Variants in CRACDL observed in about 807,000 individuals in gnomAD.
The protein encoded by CRACDL is CRACD like, also known as CRACD-like protein.
Under a neutral mutation model 70.6 loss-of-function variants are expected in CRACDL, and 26 were observed. The observed-to-expected ratio is 0.37, with a 90% CI of 0.27 to 0.51. CRACDL has a LOEUF of 0.51. Among genes scored for constraint, CRACDL ranks in the 20% least tolerant of loss-of-function variants. CRACDL has a pLI of 0.94. For missense variants in CRACDL, 1,283 were observed against 1,376.9 expected (o/e 0.93, Z 1.08); for synonymous variants, 618 against 615.2 (o/e 1.00, Z -0.07).
chr2:98,928,772 T>G (rs1708995633), intron 1 of CRACDL, among the ~76,000 whole-genome samples: 1 of 152,060 alleles, frequency 6.6e-6, no homozygotes, highest in Admixed American at 6.6e-5. Flanking sequence ...ACCTTCAAAA[T>G]GCTTGTATTT....
At chr2:98,883,579 T>C (rs962208039) in intron 1 of CRACDL, among the ~76,000 whole-genome samples, 7 of 152,134 alleles carry the variant, frequency 4.6e-5, no homozygotes, top group African/African-American at 1.7e-4. Context: ...CAGCAGCATA[T>C]TGCTCCCACT....
At chr2:98,925,743 T>C (rs538535831) in intron 1 of CRACDL, among the ~76,000 whole-genome samples, 30 of 152,016 alleles carry the variant, frequency 2.0e-4, no homozygotes, top group Non-Finnish European at 3.8e-4. Flanking sequence ...ATACACAGGG[T>C]GACTACAAGG....
At chr2:98,889,285 GAGAAAGAAAGAAAGAAAGAAAGAAAGAA>G (rs55635946) in intron 1 of CRACDL, among the ~76,000 whole-genome samples, 51,907 of 140,900 alleles carry the variant, frequency 0.37, 9,667 homozygotes, top group African/African-American at 0.46. Flanking sequence ...GAAAAAGAGA[GAGAAAGAAAGAAAGAAAGAAAGAAAGAA>G]AGAAAGAAAG....
intron 1 of CRACDL, among the ~76,000 whole-genome samples, chr2:98,862,040 C>A (rs1299637998): frequency 6.6e-6 from 1 of 152,198 alleles, no homozygotes; most frequent in Non-Finnish European, 1.5e-5. Flanking sequence ...TGACTCCCTG[C>A]AGATTTAATG....
rs1703808487 is a variant in CRACDL at position 98,796,124 on chromosome 2, G to A, written c.2745C>T (p.Asn915=). Residue 915 remains asparagine, a synonymous_variant, in exon 9 of 10, where the codon AAC becomes AAT. Coordinates refer to ENST00000397899, the MANE Select transcript of CRACDL (RefSeq NM_207362.3). ...TAATGTTTGCAGATTTCATACCCAA[G>A]TTCTGATGGGACAATGAGATTCCTC... The part of the protein sequence containing the change: ...LQRGISLSHQ[N]LAQSAVMMEK... 4.3e-6 allele frequency: 7 copies of A among 1,613,762 alleles called. No homozygotes were observed. The highest frequency in any genetic ancestry group is 1.7e-5 in the Admixed American group (1 of 60,002).
chr2:98,919,958 T>G (rs1372972964), intron 1 of CRACDL, among the ~76,000 whole-genome samples: 1 of 152,162 alleles, frequency 6.6e-6, no homozygotes, highest in Non-Finnish European at 1.5e-5. Context: ...CTCTCTCTGT[T>G]GCTCAGGTTC....
chr2:98,920,378 G>A (rs1281396388), intron 1 of CRACDL, among the ~76,000 whole-genome samples: 3 of 152,062 alleles, frequency 2.0e-5, no homozygotes, highest in African/African-American at 4.8e-5. Flanking sequence ...TGCATACTTC[G>A]CATGTGTAGG....
chr2:98,889,644 G>T (rs1023839774), intron 1 of CRACDL, among the ~76,000 whole-genome samples: 3 of 152,164 alleles, frequency 2.0e-5, no homozygotes, highest in African/African-American at 4.8e-5. Flanking sequence ...GACTTGAAAA[G>T]CATGCTACGC....
chr2:98,923,635 T>C (rs1228307173), intron 1 of CRACDL, among the ~76,000 whole-genome samples: 1 of 152,252 alleles, frequency 6.6e-6, no homozygotes. Flanking sequence ...CTAGGTCACA[T>C]ATGTATACAG....
At chr2:98,796,801 T>A (rs1014476707) in intron 8 of CRACDL, among the ~76,000 whole-genome samples, 4 of 152,180 alleles carry the variant, frequency 2.6e-5, no homozygotes, top group Admixed American at 6.5e-5. Context: ...CTCGGCCTGA[T>A]TCTAGGCATA....
intron 1 of CRACDL, among the ~76,000 whole-genome samples, chr2:98,933,995 G>A (rs1020264344): frequency 3.9e-5 from 6 of 152,020 alleles, no homozygotes; most frequent in Non-Finnish European, 7.4e-5. Flanking sequence ...AGGGACGAGC[G>A]AGCTCCTTGC....
rs545390881 is a variant in CRACDL at position 98,801,214 on chromosome 2, C to T, written c.2417-3677G>A. On this transcript the variant is annotated intron_variant, in intron 7 of 9. Coordinates refer to ENST00000397899, the MANE Select transcript of CRACDL (RefSeq NM_207362.3). ...AGAGGGCCCTTGTAATCTCTAGGCCCTGTTACAGGGACTGTCCAGGGCCAC... is the reference window on the plus strand; with the variant it reads ...AGAGGGCCCTTGTAATCTCTAGGCCTTGTTACAGGGACTGTCCAGGGCCAC... Among the ~76,000 whole-genome samples the T allele has an allele frequency of 3.9e-4, 60 of 152,350 alleles. 1 individual carries two copies. In the South Asian group the frequency reaches 0.012, roughly 31 times the overall value.
chr2:98,926,345 G>A (rs1300609745), intron 1 of CRACDL, among the ~76,000 whole-genome samples: 1 of 151,196 alleles, frequency 6.6e-6, no homozygotes, highest in East Asian at 1.9e-4. Flanking sequence ...AATGGGGAAG[G>A]CTGTCCACTC....
chr2:98,794,080 A>G lies in CRACDL; in HGVS notation c.*452T>C, dbSNP rs557660355. The G allele has an allele frequency of 6.5e-6, 1 of 153,314 alleles. No homozygotes were observed. Among genetic ancestry groups the G allele is most frequent in the East Asian group, 1.9e-4 (1 of 5,188 alleles). 9.5% of individuals were successfully genotyped at this position (153,314 alleles called of 1,614,324 possible). Reference sequence around the variant, plus strand: ...ATGAATGTCATGCCTCGTAGTAAACATGAAAGAAGACAGGATCCACAGGCA... The same window carrying G: ...ATGAATGTCATGCCTCGTAGTAAACGTGAAAGAAGACAGGATCCACAGGCA... On this transcript the variant is annotated 3_prime_UTR_variant, in exon 10 of 10. Coordinates refer to ENST00000397899, the MANE Select transcript of CRACDL (RefSeq NM_207362.3).
At chr2:98,805,903 C>A (rs1309577856) in intron 7 of CRACDL, among the ~76,000 whole-genome samples, 1 of 152,244 alleles carries the variant, frequency 6.6e-6, no homozygotes, top group Admixed American at 6.5e-5. Flanking sequence ...TCTTTTCACA[C>A]AAGCTTCAAC....
chr2:98,822,420 C>T lies in CRACDL; in HGVS notation c.1853G>A (p.Gly618Asp). The T allele has an allele frequency of 6.7e-7, 1 of 1,484,572 alleles. No homozygotes were observed. The highest frequency in any genetic ancestry group is 8.9e-7 in the Non-Finnish European group (1 of 1,125,746). The allele number at this position is 1,484,572 out of a possible 1,614,324, so 92.0% of individuals were successfully genotyped here. ...RSEAALDDLQ[G>D]LPEPQHAKPG... ...TTTCGCGTGCTGGGGCTCGGGGAGA[C>T]CCTGGAGGTCGTCAAGAGCCGCCTC... The change falls in exon 7 of 10, where the codon GGT (glycine) becomes GAT (aspartate). Residue 618 changes from glycine to aspartate, a missense_variant. Transcript: ENST00000397899. This position sits in a 1 kb window ranked among gnomAD's most constrained non-coding sequence, Gnocchi z 4.9.
chr2:98,888,851 C>T (rs890969328), intron 1 of CRACDL, among the ~76,000 whole-genome samples: 4 of 152,004 alleles, frequency 2.6e-5, no homozygotes, highest in Admixed American at 6.6e-5. Flanking sequence ...GTAACCAAGC[C>T]GGGCGCAGTG....
At chr2:98,811,226 T>A (rs989030762) in intron 7 of CRACDL, among the ~76,000 whole-genome samples, 6 of 151,698 alleles carry the variant, frequency 4.0e-5, no homozygotes, top group Non-Finnish European at 7.4e-5. Context: ...TTGAAAATTA[T>A]TCTGGCCGGG....
At chr2:98,929,248 G>A (rs1178759486) in intron 1 of CRACDL, among the ~76,000 whole-genome samples, 1 of 152,236 alleles carries the variant, frequency 6.6e-6, no homozygotes, top group Non-Finnish European at 1.5e-5. Context: ...GGGCTTCAGA[G>A]TGCTTGCGGT....
Sources: allele counts gnomAD v4.1 joint callset (sites outside exome capture counted in the v4.1 genomes callset), GRCh38; gene constraint gnomAD v4.1.1; non-coding constraint Gnocchi (gnomAD v3.1); transcripts MANE v1.5; gene names NCBI Gene and HGNC (gene_info 2026-07-23, HGNC 2026-07-21).